Variants in DPYSL2 observed in about 807,000 individuals in gnomAD.
The protein encoded by DPYSL2 is dihydropyrimidinase-related protein 2.
Under a neutral mutation model 69.9 loss-of-function variants are expected in DPYSL2, and 13 were observed. The observed-to-expected ratio is 0.19, with a 90% CI of 0.12 to 0.30. The LOEUF is 0.30. Among genes scored for constraint, DPYSL2 ranks in the 10% least tolerant of loss-of-function variants. The probability of loss-of-function intolerance (pLI) is 1.00; values close to 1 mark genes in which losing one functional copy is unlikely to be tolerated. For synonymous variants in DPYSL2, 326 were observed against 359.1 expected (o/e 0.91, Z 1.04); for missense variants, 587 against 918.9 (o/e 0.64, Z 4.67).
rs922887635 is a variant in DPYSL2, at chr8:26,648,629, G to T, written c.1596+829G>T. On this transcript the variant is annotated intron_variant, in intron 11 of 13. Coordinates refer to ENST00000521913, the MANE Select transcript of DPYSL2 (RefSeq NM_001197293.3). The surrounding 1 kb of genome is among the most constrained non-coding windows in gnomAD (Gnocchi z 4.3). ...GCTTTGGAAAAGAAATGGGCCTCGG[G>T]CAGAAGAGTTTCGTGTCAGGAACTC... 6.6e-6 allele frequency among the ~76,000 whole-genome samples: 1 copy of T among 152,224 alleles called. No individual in the cohort carries two copies. Among genetic ancestry groups the T allele is most frequent in the Non-Finnish European group, 1.5e-5 (1 of 68,048 alleles).
chr8:26,605,321 T>A lies in DPYSL2; in HGVS notation c.629-18822T>A, dbSNP rs148800985. On this transcript the variant is annotated intron_variant, in intron 3 of 13. Coordinates refer to ENST00000521913, the MANE Select transcript of DPYSL2 (RefSeq NM_001197293.3). The surrounding 1 kb of genome is among the most constrained non-coding windows in gnomAD (Gnocchi z 4.1). The stretch of plus-strand genomic sequence containing the variant: ...ATATAAGATTATTACTATTTTTTTT[T>A]ATTGCCCAGGCTGGAGTGCAGTGGT... Among the ~76,000 whole-genome samples the A allele has an allele frequency of 1.5e-3, 229 of 152,238 alleles. 1 individual carries two copies. The highest frequency in any genetic ancestry group is 5.0e-3 in the African/African-American group (206 of 41,540).
At chr8:26,552,960 T>C (rs557872548) in intron 1 of DPYSL2, among the ~76,000 whole-genome samples, 4 of 152,172 alleles carry the variant, frequency 2.6e-5, no homozygotes, top group Admixed American at 6.5e-5. Flanking sequence ...ATATCAGAAA[T>C]GAAAGACAGG....
At position 26,643,930 on chromosome 8, in the gene DPYSL2, G is replaced by C; in HGVS notation, c.1284-20G>C. 1.9e-6 allele frequency: 3 copies of C among 1,612,090 alleles called. No homozygotes were observed. The highest frequency in any genetic ancestry group is 2.5e-6 in the Non-Finnish European group (3 of 1,178,882). Reference sequence around the variant, plus strand: ...CATCTTGACGAAGCTGCAGCACCACGTTATGCATTTTCTTTGCAGTGGAGA... The same window carrying C: ...CATCTTGACGAAGCTGCAGCACCACCTTATGCATTTTCTTTGCAGTGGAGA... On this transcript the variant is annotated intron_variant, in intron 9 of 13. Coordinates refer to ENST00000521913, the MANE Select transcript of DPYSL2 (RefSeq NM_001197293.3). The surrounding 1 kb of genome is among the most constrained non-coding windows in gnomAD (Gnocchi z 6.5).
intron 1 of DPYSL2, chr8:26,577,265 G>A (rs1001639373): frequency 6.9e-5 from 26 of 375,318 alleles, no homozygotes; most frequent in African/African-American, 5.2e-4. Flanking sequence ...GGACGCTCCC[G>A]GGAAGCAGCC....
At position 26,633,696 on chromosome 8, in the gene DPYSL2, G is replaced by A. The variant is rs962687719; in HGVS notation, c.1006-1084G>A. On this transcript the variant is annotated intron_variant, in intron 7 of 13. Transcript: ENST00000521913. ...TCACCATGTTGGTCAGGCTGGTCTC[G>A]AACTCCTGACCTCAGGTGATCCACA... Among the ~76,000 whole-genome samples, 6 of 151,586 alleles carry A rather than the reference G, an allele frequency of 4.0e-5. No individual in the cohort carries two copies. In the East Asian group the frequency reaches 7.8e-4, roughly 20 times the overall value.
At chr8:26,572,425 C>T (rs895788246) in intron 1 of DPYSL2, among the ~76,000 whole-genome samples, 2 of 152,220 alleles carry the variant, frequency 1.3e-5, no homozygotes, top group African/African-American at 4.8e-5. Flanking sequence ...TCCACTCATA[C>T]CTCCCTCCCT....
At chr8:26,559,480 G>C (rs547122212) in intron 1 of DPYSL2, among the ~76,000 whole-genome samples, 1 of 152,172 alleles carries the variant, frequency 6.6e-6, no homozygotes, top group South Asian at 2.1e-4. Flanking sequence ...AATCTTTTCA[G>C]CCTCCATCTA....
Position 26,657,691 on chromosome 8 carries a change from T to TG in DPYSL2, c.*1986dup, listed in dbSNP as rs1303632581. Reference sequence around the variant, plus strand: ...TTTTGTTTCAATTCTAAGAAACACTTGCAGCTCTAGTATTCACTTGAGTCT... The same window carrying TG: ...TTTTGTTTCAATTCTAAGAAACACTTGGCAGCTCTAGTATTCACTTGAGTCT... On this transcript the variant is annotated 3_prime_UTR_variant, in exon 14 of 14. Transcript: ENST00000521913. The TG allele has an allele frequency of 1.3e-5, 2 of 152,678 alleles. No individual in the cohort carries two copies. Among genetic ancestry groups the TG allele is most frequent in the African/African-American group, 4.8e-5 (2 of 41,464 alleles). The allele number at this position is 152,678 out of a possible 1,614,324, so 9.5% of individuals were successfully genotyped here.
chr8:26,521,178 G>A (rs575013412), intron 1 of DPYSL2, among the ~76,000 whole-genome samples: 4 of 152,328 alleles, frequency 2.6e-5, no homozygotes, highest in African/African-American at 9.6e-5. Context: ...TGGTAACCTA[G>A]TACCATAGGT....
At chr8:26,651,638 C>T (rs906554313) in intron 11 of DPYSL2, among the ~76,000 whole-genome samples, 3 of 152,214 alleles carry the variant, frequency 2.0e-5, no homozygotes, top group African/African-American at 7.2e-5. Context: ...CACCTATTTT[C>T]CAAGAGGGCA....
chr8:26,565,177 C>T lies in DPYSL2; in HGVS notation c.355-16792C>T, dbSNP rs1801129617. 1.3e-5 allele frequency among the ~76,000 whole-genome samples: 2 copies of T among 152,176 alleles called. No individual in the cohort carries two copies. The highest frequency in any genetic ancestry group is 1.3e-4 in the Admixed American group (2 of 15,280). On this transcript the variant is annotated intron_variant, in intron 1 of 13. Transcript: ENST00000521913. This position sits in a 1 kb window ranked among gnomAD's most constrained non-coding sequence, Gnocchi z 4.1. The stretch of plus-strand genomic sequence containing the variant: ...ATGTACCACATTTTCTTCATCCACT[C>T]ATTGGTCAGTGGGCACTTAGGCTGG...
intron 1 of DPYSL2, among the ~76,000 whole-genome samples, chr8:26,569,922 C>T (rs1297559689): frequency 6.6e-6 from 1 of 152,092 alleles, no homozygotes; most frequent in Non-Finnish European, 1.5e-5. Flanking sequence ...AGGGTAAGAT[C>T]AGTCGGGCGC....
chr8:26,632,564 C>T (rs1193422437), intron 7 of DPYSL2, among the ~76,000 whole-genome samples: 2 of 152,132 alleles, frequency 1.3e-5, no homozygotes, highest in African/African-American at 2.4e-5. Context: ...AGAAGATAGG[C>T]GTAGTGGCTT....
At position 26,645,608 on chromosome 8, in the gene DPYSL2, G is replaced by C. The variant is rs936257659; in HGVS notation, c.1425+1517G>C. Reference sequence around the variant, plus strand: ...ATGGAGTCTCACTCTGGAGTGCAGTGGTGCGATCTCAGCTCACTGCAACCT... The same window carrying C: ...ATGGAGTCTCACTCTGGAGTGCAGTCGTGCGATCTCAGCTCACTGCAACCT... On this transcript the variant is annotated intron_variant, in intron 10 of 13. Coordinates refer to ENST00000521913, the MANE Select transcript of DPYSL2 (RefSeq NM_001197293.3). 2.0e-5 allele frequency among the ~76,000 whole-genome samples: 3 copies of C among 152,272 alleles called. No homozygotes were observed. In the South Asian group the frequency reaches 6.2e-4, roughly 32 times the overall value.
intron 7 of DPYSL2, among the ~76,000 whole-genome samples, chr8:26,633,212 G>A (rs1280096127): frequency 6.6e-6 from 1 of 152,192 alleles, no homozygotes; most frequent in Non-Finnish European, 1.5e-5. Context: ...GAGCTATTGG[G>A]GGCAGGGCAT....
At chr8:26,529,269 T>TATC (rs1320033263) in intron 1 of DPYSL2, among the ~76,000 whole-genome samples, 58 of 148,788 alleles carry the variant, frequency 3.9e-4, no homozygotes, top group Middle Eastern at 3.4e-3. Context: ...TCTATCTATC[T>TATC]ATCTATCATC....
At chr8:26,649,390 G>A (rs1803236275) in intron 11 of DPYSL2, among the ~76,000 whole-genome samples, 2 of 152,158 alleles carry the variant, frequency 1.3e-5, no homozygotes, top group Admixed American at 1.3e-4. Context: ...TGACCTAGCT[G>A]GGGAACTTGC....
Position 26,626,507 on chromosome 8 carries a change from A to G in DPYSL2, c.794-110A>G, listed in dbSNP as rs1790539576. On this transcript the variant is annotated intron_variant, in intron 4 of 13. Transcript: ENST00000521913. The surrounding 1 kb of genome is among the most constrained non-coding windows in gnomAD (Gnocchi z 4.3). Reference sequence around the variant, plus strand: ...AACACACACACACACACACACACACACACACACACACACACGTACACACAC... The same window carrying G: ...AACACACACACACACACACACACACGCACACACACACACACGTACACACAC... 14 of 843,094 alleles carry G rather than the reference A, an allele frequency of 1.7e-5. No individual in the cohort carries two copies. Among genetic ancestry groups the G allele is most frequent in the Non-Finnish European group, 2.3e-5 (12 of 518,512 alleles). 52.2% of individuals were successfully genotyped at this position (843,094 alleles called of 1,614,324 possible). A position where few individuals can be genotyped will look rare whatever the true frequency, so the allele number is the denominator to read the frequency against.
At chr8:26,526,952 GC>G (rs1178891178) in intron 1 of DPYSL2, among the ~76,000 whole-genome samples, 1 of 152,256 alleles carries the variant, frequency 6.6e-6, no homozygotes, top group Non-Finnish European at 1.5e-5. Context: ...GCATCTCAGT[GC>G]ATCTTCTGCA....
Sources: allele counts gnomAD v4.1 joint callset (sites outside exome capture counted in the v4.1 genomes callset), GRCh38; gene constraint gnomAD v4.1.1; non-coding constraint Gnocchi (gnomAD v3.1); transcripts MANE v1.5; gene names NCBI Gene and HGNC (gene_info 2026-07-23, HGNC 2026-07-21).